Variants in ATL2 observed in about 807,000 individuals in gnomAD.
ATL2 encodes the protein atlastin-2.
ATL2 carries 31 observed loss-of-function variants against 73.9 expected under a neutral mutation model. That is an observed-to-expected ratio of 0.42 (90% confidence interval 0.32 to 0.57). ATL2 has a LOEUF of 0.57. Ranked by LOEUF, ATL2 falls within the 20% of genes least tolerant of loss-of-function variation. The probability of loss-of-function intolerance (pLI) is 0.14; values close to 1 mark genes in which losing one functional copy is unlikely to be tolerated. For missense variants in ATL2, 738 were observed against 702.6 expected, an observed-to-expected ratio of 1.05 and a Z score of -0.57; for synonymous variants, 291 against 237.5, an observed-to-expected ratio of 1.23 and a Z score of -2.07.
intron 7 of ATL2, among the ~76,000 whole-genome samples, chr2:38,310,919 A>G (rs1293104680): frequency 6.6e-6 from 1 of 151,988 alleles, no homozygotes; most frequent in Non-Finnish European, 1.5e-5. Flanking sequence ...GAGCCACCGC[A>G]CCCAGCCAAC....
At chr2:38,305,661 A>G (rs560829637) in intron 9 of ATL2, among the ~76,000 whole-genome samples, 1 of 152,312 alleles carries the variant, frequency 6.6e-6, no homozygotes, top group Admixed American at 6.5e-5. Context: ...AAATTATATT[A>G]ATACAATAGG....
chr2:38,315,713 T>C (rs1667994352), intron 4 of ATL2, among the ~76,000 whole-genome samples: 1 of 152,124 alleles, frequency 6.6e-6, no homozygotes, highest in Admixed American at 6.6e-5. Flanking sequence ...TTTTCTAAAT[T>C]AGTGAATATA....
At chr2:38,318,473 G>T in intron 4 of ATL2, 62 bp downstream of exon 4, 4 of 1,129,062 alleles carry the variant, frequency 3.5e-6, no homozygotes, top group Non-Finnish European at 4.8e-6. Flanking sequence ...TCTCAAAAAA[G>T]AAAAAAAAAA....
At chr2:38,332,620 C>T (rs1387699814) in intron 2 of ATL2, among the ~76,000 whole-genome samples, 1 of 152,180 alleles carries the variant, frequency 6.6e-6, no homozygotes, top group African/African-American at 2.4e-5. Context: ...TAAATTATAT[C>T]TCAGTAACAC....
chr2:38,350,441 TA>T (rs1436703590), intron 1 of ATL2, among the ~76,000 whole-genome samples: 1 of 152,156 alleles, frequency 6.6e-6, no homozygotes, highest in African/African-American at 2.4e-5. Context: ...TGCCAGGGGT[TA>T]GGGGGATAGG....
At chr2:38,314,439 C>CTAT (rs34993801) in intron 6 of ATL2, among the ~76,000 whole-genome samples, 169 bp downstream of exon 6, 67,328 of 151,736 alleles carry the variant, frequency 0.44, 16,098 homozygotes, top group African/African-American at 0.64. Flanking sequence ...TCCTGTTCGC[C>CTAT]TACTGATAAG....
intron 1 of ATL2, among the ~76,000 whole-genome samples, chr2:38,358,239 A>C (rs567069831): frequency 1.1e-3 from 165 of 152,304 alleles, no homozygotes; most frequent in Non-Finnish European, 1.6e-3. Flanking sequence ...TCAAGGAAGA[A>C]AAAAAGTTTT....
chr2:38,313,333 C>T, intron 6 of ATL2, 90 bp from the exon 7 acceptor site: 2 of 862,282 alleles, frequency 2.3e-6, no homozygotes, highest in Non-Finnish European at 3.5e-6. Flanking sequence ...GCCTCTCTTA[C>T]TCTCCTAAAC....
intron 11 of ATL2, 88 bp from the exon 12 acceptor site, chr2:38,298,663 C>T: frequency 7.4e-7 from 1 of 1,355,488 alleles, no homozygotes. Flanking sequence ...CTCAGAAAGT[C>T]AAACCACTTA....
Position 38,343,406 on chromosome 2 carries a change from A to T in ATL2, c.225T>A (p.Leu75=), listed in dbSNP as rs750829260. The change falls in exon 2 of 13, where the codon CTT becomes CTA. Residue 75 remains leucine, a synonymous_variant. Coordinates refer to ENST00000378954, the MANE Select transcript of ATL2 (RefSeq NM_001135673.4). ...ATATCTGCTCCAAAGCTTCTTCATC[A>T]AGTTCAAAGTTATGGTCATCTTCAT... The part of the protein sequence containing the change: ...LAHEDDHNFE[L]DEEALEQILL... 1.2e-6 allele frequency: 2 copies of T among 1,613,034 alleles called. No homozygotes were observed. The highest frequency in any genetic ancestry group is 1.7e-6 in the Non-Finnish European group (2 of 1,179,808).
intron 2 of ATL2, among the ~76,000 whole-genome samples, chr2:38,325,035 T>G (rs888545014): frequency 7.9e-5 from 12 of 152,200 alleles, no homozygotes; most frequent in African/African-American, 2.9e-4. Context: ...AGAGGTAAAT[T>G]TTATGTTATG....
intron 1 of ATL2, among the ~76,000 whole-genome samples, chr2:38,358,868 C>CA (rs773824897): frequency 2.6e-5 from 4 of 152,090 alleles, no homozygotes; most frequent in Non-Finnish European, 5.9e-5. Context: ...ACAAGTATTA[C>CA]AAGTACTGAC....
intron 1 of ATL2, among the ~76,000 whole-genome samples, chr2:38,374,919 C>G (rs1253378299): frequency 6.6e-6 from 1 of 152,196 alleles, no homozygotes; most frequent in Non-Finnish European, 1.5e-5. Context: ...AGGCCATAAT[C>G]TTATTTTCAC....
chr2:38,367,042 C>T (rs1341520073), intron 1 of ATL2, among the ~76,000 whole-genome samples: 1 of 151,968 alleles, frequency 6.6e-6, no homozygotes. Context: ...CTCACTATGT[C>T]GCCCAGGCTC....
rs533497644 is a variant in ATL2, at chr2:38,321,525, A to C, written c.364-2506T>G. 1.6e-4 allele frequency among the ~76,000 whole-genome samples: 25 copies of C among 152,154 alleles called. No homozygotes were observed. The East Asian group carries it at 4.8e-3, about 29-fold the overall frequency. Reference sequence around the variant, plus strand: ...ACTGGTGATCCTGCCCCTTGACTACATATTTGGATACTTCATATTGGTCTC... The same window carrying C: ...ACTGGTGATCCTGCCCCTTGACTACCTATTTGGATACTTCATATTGGTCTC... On this transcript the variant is annotated intron_variant, in intron 2 of 12. Transcript: ENST00000378954.
intron 9 of ATL2, among the ~76,000 whole-genome samples, chr2:38,302,459 A>G (rs1667240434): frequency 6.6e-6 from 1 of 152,134 alleles, no homozygotes; most frequent in African/African-American, 2.4e-5. Context: ...CTGGGCCTTG[A>G]CTGACCACAG....
chr2:38,301,028 C>T (rs1399765325), intron 9 of ATL2, among the ~76,000 whole-genome samples: 6 of 149,034 alleles, frequency 4.0e-5, no homozygotes, highest in Non-Finnish European at 5.9e-5. Flanking sequence ...TGGAGTGCAA[C>T]GGCACGACCT....
At chr2:38,377,317 CA>C, upstream of ATL2, 2 of 1,453,298 alleles carry the variant, frequency 1.4e-6, no homozygotes, top group Non-Finnish European at 1.8e-6. Context: ...GCCGCTTTAT[CA>C]ACCTCCCGGG....
intron 2 of ATL2, among the ~76,000 whole-genome samples, chr2:38,324,726 G>A (rs1668502598): frequency 1.3e-5 from 2 of 152,152 alleles, no homozygotes; most frequent in Non-Finnish European, 2.9e-5. Flanking sequence ...TTGATAAAAG[G>A]TTCTGCTCAA....
Sources: gnomAD v4.1 joint callset for allele counts (sites outside exome capture counted in the v4.1 genomes callset) on GRCh38, gnomAD v4.1.1 for gene constraint, MANE v1.5 for transcripts, NCBI Gene and HGNC (gene_info 2026-07-23, HGNC 2026-07-21) for gene names.